Variants in IL1RAPL2 observed in about 807,000 individuals in gnomAD.
IL1RAPL2 encodes interleukin 1 receptor accessory protein like 2.
A neutral mutation model predicts 44.1 loss-of-function variants in IL1RAPL2; 3 were observed. The observed-to-expected ratio is 0.07, with a 90% CI of 0.03 to 0.18. The LOEUF (loss-of-function observed/expected upper bound fraction) is 0.18. IL1RAPL2 is among the 10% of genes least tolerant of loss of function. The pLI, the probability that IL1RAPL2 is intolerant of heterozygous loss-of-function variation, is 1.00. For missense variants in IL1RAPL2, 391 were observed against 496.4 expected (o/e 0.79, Z 2.02); for synonymous variants, 181 against 178.8 (o/e 1.01, Z -0.10).
chrX:105,394,526 A>AACT (rs1375244494), intron 5 of IL1RAPL2, among the ~76,000 whole-genome samples: 1 of 111,132 alleles, frequency 9.0e-6, no homozygotes. Context: ...GCAGCCTAGT[A>AACT]ACTACTCTCC....
rs753012392 is a variant in IL1RAPL2 at position 105,019,950 on chromosome X, G to T, written c.83-175525G>T. Among the ~76,000 whole-genome samples the T allele has an allele frequency of 6.3e-5, 7 of 110,850 alleles. No homozygotes were observed. In the South Asian group the frequency reaches 2.7e-3, roughly 42 times the overall value. On this transcript the variant is annotated intron_variant, in intron 2 of 10. Coordinates refer to ENST00000372582, the MANE Select transcript of IL1RAPL2 (RefSeq NM_017416.2). ...CCTGAAACCTGAGTATTAAAGTTCT[G>T]CCTTACCCATCTCATGTGCAATGTG... is the stretch of plus-strand genomic sequence containing the variant.
chrX:105,151,781 G>GTGTA (rs2033230103), intron 2 of IL1RAPL2, among the ~76,000 whole-genome samples: 1 of 107,002 alleles, frequency 9.3e-6, no homozygotes, highest in African/African-American at 3.4e-5. Flanking sequence ...AAACTACAGT[G>GTGTA]TATATATATA....
At chrX:104,744,080 T>A (rs1932135799) in intron 2 of IL1RAPL2, among the ~76,000 whole-genome samples, 1 of 110,935 alleles carries the variant, frequency 9.0e-6, no homozygotes, top group African/African-American at 3.3e-5. Context: ...TGAAAGTGTT[T>A]GCTGTACACA....
chrX:104,939,836 A>G (rs932462757), intron 2 of IL1RAPL2, among the ~76,000 whole-genome samples: 2 of 112,029 alleles, frequency 1.8e-5, no homozygotes, highest in Non-Finnish European at 3.8e-5. Flanking sequence ...AAAAGAAGCC[A>G]GTAACCTACA....
intron 5 of IL1RAPL2, among the ~76,000 whole-genome samples, chrX:105,438,896 G>C (rs2035899734): frequency 9.0e-6 from 1 of 110,724 alleles, no homozygotes; most frequent in Admixed American, 9.7e-5. Context: ...ATGTGGAATT[G>C]GAATCCTCAG....
At chrX:104,907,617 G>T (rs1204591868) in intron 2 of IL1RAPL2, among the ~76,000 whole-genome samples, 2 of 111,794 alleles carry the variant, frequency 1.8e-5, no homozygotes, top group Admixed American at 1.9e-4. Context: ...GTGGTTTTGA[G>T]TGAGATTCTT....
At chrX:105,009,391 C>T (rs2031004627) in intron 2 of IL1RAPL2, among the ~76,000 whole-genome samples, 1 of 109,531 alleles carries the variant, frequency 9.1e-6, no homozygotes, top group East Asian at 2.9e-4. Context: ...AAATGTGGCA[C>T]ATATACACCA....
intron 6 of IL1RAPL2, among the ~76,000 whole-genome samples, chrX:105,512,393 C>T (rs902597988): frequency 1.8e-5 from 2 of 111,144 alleles, no homozygotes; most frequent in Non-Finnish European, 3.8e-5. Context: ...ACATGGAGAA[C>T]AAAGTGGTAC....
intron 2 of IL1RAPL2, among the ~76,000 whole-genome samples, chrX:105,144,116 TGTG>T (rs1390885037): frequency 2.9e-5 from 3 of 103,926 alleles, no homozygotes; most frequent in Admixed American, 1.0e-4. Flanking sequence ...TGTGTGTGTG[TGTG>T]TGTGTGTGTG....
Position 105,373,298 on chromosome X carries a change from G to T in IL1RAPL2, c.697+105757G>T, listed in dbSNP as rs141426751. ...TACTGAGCTTTTTTTTCATACAGTT[G>T]TTGGCTGCATGTATGTCTTTGGAGA... is the stretch of plus-strand genomic sequence containing the variant. On this transcript the variant is annotated intron_variant, in intron 5 of 10. Coordinates refer to ENST00000372582, the MANE Select transcript of IL1RAPL2 (RefSeq NM_017416.2). 6.4e-3 allele frequency among the ~76,000 whole-genome samples: 715 copies of T among 112,012 alleles called. 4 individuals carry two copies. The highest frequency in any genetic ancestry group is 0.023 in the African/African-American group (701 of 30,818).
chrX:104,716,019 T>C (rs751360152), intron 2 of IL1RAPL2, among the ~76,000 whole-genome samples: 1 of 111,481 alleles, frequency 9.0e-6, no homozygotes, highest in African/African-American at 3.3e-5. Flanking sequence ...AGCATCACAC[T>C]AGCCGACTTC....
intron 1 of IL1RAPL2, among the ~76,000 whole-genome samples, chrX:104,612,492 C>T (rs1389665948): frequency 1.8e-5 from 2 of 110,671 alleles, no homozygotes; most frequent in African/African-American, 3.3e-5. Context: ...AGATTTGGTG[C>T]GCAGCCTTAT....
At chrX:105,491,278 T>TA (rs2036316114) in intron 6 of IL1RAPL2, among the ~76,000 whole-genome samples, 1 of 111,145 alleles carries the variant, frequency 9.0e-6, no homozygotes, top group Non-Finnish European at 1.9e-5. Flanking sequence ...TATGCAGCCA[T>TA]AAAAAAGGAT....
intron 2 of IL1RAPL2, among the ~76,000 whole-genome samples, chrX:104,845,441 C>T (rs772183634): frequency 9.0e-6 from 1 of 111,516 alleles, no homozygotes; most frequent in East Asian, 2.8e-4. Context: ...AATACAAGTG[C>T]CATAGTAAAC....
At chrX:105,061,341 A>G (rs1387799914) in intron 2 of IL1RAPL2, among the ~76,000 whole-genome samples, 1 of 111,479 alleles carries the variant, frequency 9.0e-6, no homozygotes, top group East Asian at 2.8e-4. Flanking sequence ...TTGTGTTTGT[A>G]CAGTTTTCAA....
chrX:104,989,999 C>T (rs1366949571), intron 2 of IL1RAPL2, among the ~76,000 whole-genome samples: 1 of 111,739 alleles, frequency 8.9e-6, no homozygotes, highest in East Asian at 2.8e-4. Context: ...AGCTAATGTA[C>T]CACTCCTTGT....
chrX:105,757,100 T>C (rs777349338), intron 10 of IL1RAPL2, among the ~76,000 whole-genome samples: 1 of 111,974 alleles, frequency 8.9e-6, no homozygotes, highest in Admixed American at 9.5e-5. Context: ...TACAATCTTT[T>C]GCCAGCCCAG....
chrX:104,871,708 C>T (rs1023993164), intron 2 of IL1RAPL2, among the ~76,000 whole-genome samples: 2 of 111,455 alleles, frequency 1.8e-5, no homozygotes, highest in Non-Finnish European at 3.8e-5. Context: ...GATTAGAATG[C>T]AAACTGAGAT....
chrX:104,737,215 A>G (rs1196793858), intron 2 of IL1RAPL2, among the ~76,000 whole-genome samples: 2 of 112,653 alleles, frequency 1.8e-5, no homozygotes, highest in Non-Finnish European at 3.8e-5. Context: ...TCACACTTGC[A>G]TTCCAGCAAA....
Sources: gnomAD v4.1 joint callset for allele counts (sites outside exome capture counted in the v4.1 genomes callset) on GRCh38, gnomAD v4.1.1 for gene constraint, MANE v1.5 for transcripts, NCBI Gene and HGNC (gene_info 2026-07-23, HGNC 2026-07-21) for gene names.